Variants in CCNY observed in about 807,000 individuals in gnomAD.
The protein encoded by CCNY is cyclin-Y.
CCNY carries 19 observed loss-of-function variants against 42.8 expected under a neutral mutation model. The observed-to-expected ratio is 0.44, with a 90% confidence interval of 0.31 to 0.65. CCNY has a LOEUF of 0.65. Ranked by LOEUF, CCNY falls within the 30% of genes least tolerant of loss-of-function variation. CCNY has a pLI of 0.07. For missense variants in CCNY, 370 were observed against 437.3 expected, an observed-to-expected ratio of 0.85 and a Z score of 1.37; for synonymous variants, 165 against 162.7, an observed-to-expected ratio of 1.01 and a Z score of -0.11.
intron 3 of CCNY, among the ~76,000 whole-genome samples, chr10:35,266,265 T>TTC (rs1307712108): frequency 3.1e-4 from 45 of 145,588 alleles, no homozygotes; most frequent in Non-Finnish European, 4.5e-5. Context: ...TTTTTTTTTT[T>TTC]TTTTTTGTAT....
intron 3 of CCNY, among the ~76,000 whole-genome samples, chr10:35,305,532 G>C (rs963058196): frequency 1.3e-5 from 2 of 152,140 alleles, no homozygotes; most frequent in African/African-American, 4.8e-5. Flanking sequence ...AGCATCTGGG[G>C]GCATATAATT....
chr10:35,389,813 G>C (rs1279351150), intron 1 of CCNY, among the ~76,000 whole-genome samples: 1 of 152,272 alleles, frequency 6.6e-6, no homozygotes, highest in South Asian at 2.1e-4. Flanking sequence ...GAAATGCCAA[G>C]TTCAATTCTT....
At chr10:35,318,783 A>C (rs1054046300) in intron 3 of CCNY, among the ~76,000 whole-genome samples, 1 of 152,192 alleles carries the variant, frequency 6.6e-6, no homozygotes, top group Admixed American at 6.5e-5. Context: ...AAAGAAGAAC[A>C]AATTAAACCA....
chr10:35,516,807 C>T (rs1008538791), intron 4 of CCNY, among the ~76,000 whole-genome samples, 184 bp downstream of exon 4: 2 of 150,610 alleles, frequency 1.3e-5, no homozygotes, highest in African/African-American at 4.9e-5. Flanking sequence ...TTCAGGAAAT[C>T]TTTTTAAAAA....
intron 1 of CCNY, among the ~76,000 whole-genome samples, chr10:35,363,096 C>T (rs1036065847): frequency 2.0e-5 from 3 of 151,164 alleles, no homozygotes; most frequent in African/African-American, 7.3e-5. Context: ...GCGCTCCTCA[C>T]TTCCCAGCTT....
chr10:35,484,363 C>A (rs1839739887), intron 2 of CCNY, among the ~76,000 whole-genome samples: 1 of 152,118 alleles, frequency 6.6e-6, no homozygotes, highest in South Asian at 2.1e-4. Flanking sequence ...GATTAGGTAA[C>A]AATTTTGGCA....
At chr10:35,301,439 T>C (rs1338605526) in intron 3 of CCNY, among the ~76,000 whole-genome samples, 1 of 152,148 alleles carries the variant, frequency 6.6e-6, no homozygotes, top group Non-Finnish European at 1.5e-5. Context: ...AGAGTGAAGG[T>C]AAAATGAAGT....
chr10:35,339,448 C>CTA (rs895187711), intron 1 of CCNY, among the ~76,000 whole-genome samples: 1 of 152,126 alleles, frequency 6.6e-6, no homozygotes, highest in African/African-American at 2.4e-5. Flanking sequence ...CTATATACAT[C>CTA]TATATGTCTG....
intron 1 of CCNY, among the ~76,000 whole-genome samples, chr10:35,350,261 T>G (rs1210464221): frequency 2.0e-5 from 3 of 152,238 alleles, no homozygotes; most frequent in Non-Finnish European, 4.4e-5. Context: ...CCCTTATTCC[T>G]TTTGCTTTTT....
chr10:35,325,065 A>G (rs1233039527), intron 3 of CCNY, among the ~76,000 whole-genome samples: 3 of 152,256 alleles, frequency 2.0e-5, no homozygotes, highest in Non-Finnish European at 4.4e-5. Flanking sequence ...AATTAACTGC[A>G]GACATTTTAT....
intron 3 of CCNY, among the ~76,000 whole-genome samples, chr10:35,286,686 G>A (rs372812813): frequency 7.7e-6 from 1 of 130,062 alleles, no homozygotes; most frequent in African/African-American, 2.9e-5. Flanking sequence ...GAGATGGAGT[G>A]TCTCGCTCTG....
At chr10:35,503,340 A>G (rs1338087055) in intron 3 of CCNY, among the ~76,000 whole-genome samples, 2 of 152,172 alleles carry the variant, frequency 1.3e-5, no homozygotes, top group African/African-American at 4.8e-5. Context: ...TCCTATAGAA[A>G]AGAAATCTGG....
At chr10:35,352,345 T>C (rs1190001664) in intron 1 of CCNY, among the ~76,000 whole-genome samples, 1 of 152,212 alleles carries the variant, frequency 6.6e-6, no homozygotes, top group Non-Finnish European at 1.5e-5. Flanking sequence ...TTGAAGTGTT[T>C]GTGGAATGTG....
At chr10:35,499,590 AT>A (rs1411324121) in intron 2 of CCNY, among the ~76,000 whole-genome samples, 1 of 152,226 alleles carries the variant, frequency 6.6e-6, no homozygotes, top group African/African-American at 2.4e-5. Context: ...AATAGTACCC[AT>A]ATAGGAAGTG....
intron 1 of CCNY, among the ~76,000 whole-genome samples, chr10:35,366,126 A>G (rs1051350672): frequency 6.6e-6 from 1 of 152,214 alleles, no homozygotes; most frequent in Non-Finnish European, 1.5e-5. Context: ...ACAGATACCA[A>G]TTTGCAAACA....
intron 1 of CCNY, among the ~76,000 whole-genome samples, chr10:35,396,333 G>T (rs1032846214): frequency 6.6e-6 from 1 of 152,158 alleles, no homozygotes; most frequent in Non-Finnish European, 1.5e-5. Context: ...CAGACAGGCC[G>T]ACTGGAGTTT....
intron 1 of CCNY, among the ~76,000 whole-genome samples, chr10:35,479,478 T>C (rs1332343106): frequency 9.6e-5 from 13 of 135,142 alleles, no homozygotes; most frequent in South Asian, 5.0e-4. Flanking sequence ...AAATTGGAAA[T>C]CATCATTCTC....
At chr10:35,437,230 G>A (rs1247616306) in intron 1 of CCNY, among the ~76,000 whole-genome samples, 3 of 152,168 alleles carry the variant, frequency 2.0e-5, no homozygotes, top group Admixed American at 6.5e-5. Flanking sequence ...GTCACTTGAC[G>A]GAACTGGGTT....
At chr10:35,400,306 C>G (rs1393176122) in intron 1 of CCNY, among the ~76,000 whole-genome samples, 1 of 152,084 alleles carries the variant, frequency 6.6e-6, no homozygotes, top group East Asian at 1.9e-4. Flanking sequence ...GTTGTTTCCC[C>G]TCTTGGAGAG....
Sources: allele counts gnomAD v4.1 joint callset (sites outside exome capture counted in the v4.1 genomes callset), GRCh38; gene constraint gnomAD v4.1.1; transcripts MANE v1.5; gene names NCBI Gene and HGNC (gene_info 2026-07-23, HGNC 2026-07-21).